Variants in LRRC27 observed in about 807,000 individuals in gnomAD.
LRRC27 encodes leucine-rich repeat-containing protein 27.
Under a neutral mutation model 55.0 loss-of-function variants are expected in LRRC27, and 57 were observed. The ratio of observed to expected loss-of-function variants is 1.04; its 90% confidence interval spans 0.84 to 1.29. The LOEUF is 1.29. LRRC27 is among the 50% of genes most tolerant of loss of function. The pLI is 0.00. For synonymous variants in LRRC27, 278 were observed against 251.9 expected, an observed-to-expected ratio of 1.10 and a Z score of -0.98; for missense variants, 721 against 651.5, an observed-to-expected ratio of 1.11 and a Z score of -1.16.
At chr10:132,355,339 G>A (rs2068257575) in intron 7 of LRRC27, among the ~76,000 whole-genome samples, 1 of 152,190 alleles carries the variant, frequency 6.6e-6, no homozygotes, top group South Asian at 2.1e-4. Flanking sequence ...CCAGATGCCT[G>A]TTTTTAAAAG....
intron 4 of LRRC27, among the ~76,000 whole-genome samples, chr10:132,342,473 C>T (rs1021094937): frequency 4.6e-5 from 7 of 152,168 alleles, no homozygotes; most frequent in Non-Finnish European, 7.3e-5. Flanking sequence ...GACGTGTGAG[C>T]CTTGTGTGAG....
intron 6 of LRRC27, chr10:132,350,748 G>A (rs2067966619): frequency 6.6e-6 from 1 of 152,436 alleles, no homozygotes; most frequent in Non-Finnish European, 1.5e-5. Context: ...TTCTCCTCTG[G>A]GCGAAGTGTT....
At chr10:132,362,064 G>A (rs1014708083) in intron 9 of LRRC27, among the ~76,000 whole-genome samples, 2 of 152,232 alleles carry the variant, frequency 1.3e-5, no homozygotes, top group African/African-American at 4.8e-5. Flanking sequence ...GTGAGGCAGC[G>A]AGGCCAGGCG....
At chr10:132,354,527 G>C (rs958790167) in intron 7 of LRRC27, among the ~76,000 whole-genome samples, 4 of 152,212 alleles carry the variant, frequency 2.6e-5, no homozygotes, top group Admixed American at 1.3e-4. Context: ...GACACACCCA[G>C]GCAGGCGTCA....
intron 10 of LRRC27, among the ~76,000 whole-genome samples, chr10:132,371,425 G>T (rs768982288): frequency 2.2e-4 from 33 of 152,330 alleles, no homozygotes; most frequent in African/African-American, 5.8e-4. Context: ...GCCAACAGAC[G>T]TGGCCCTTCC....
At chr10:132,347,594 G>T (rs954057305) in intron 5 of LRRC27, among the ~76,000 whole-genome samples, 1 of 149,772 alleles carries the variant, frequency 6.7e-6, no homozygotes, top group Non-Finnish European at 1.5e-5. Context: ...TGCGTGGGAG[G>T]GTCAGGTGCT....
rs1287652386 is a variant in LRRC27 at position 132,359,128 on chromosome 10, C to CAGT, written c.1171-2329_1171-2328insAGT. Among the ~76,000 whole-genome samples the CAGT allele has an allele frequency of 6.0e-5, 4 of 66,732 alleles. 1 individual carries two copies. Among genetic ancestry groups the CAGT allele is most frequent in the Admixed American group, 3.5e-4 (2 of 5,742 alleles). The allele number at this position is 66,732 out of a possible 152,430, so 43.8% of individuals were successfully genotyped here. ...GTGGGGAGGAGCCGAGGTGGTGGAG[C>CAGT]GTGGGAAGGAGCCGAGGTGGTGGAG... On this transcript the variant is annotated intron_variant, in intron 8 of 10. Coordinates refer to ENST00000368614, the MANE Select transcript of LRRC27 (RefSeq NM_030626.3).
At chr10:132,357,885 C>T (rs539313440) in intron 8 of LRRC27, among the ~76,000 whole-genome samples, 29 of 152,302 alleles carry the variant, frequency 1.9e-4, no homozygotes, top group East Asian at 3.9e-4. Flanking sequence ...GGCAGACCCT[C>T]GGCTGTGGCA....
intron 10 of LRRC27, chr10:132,366,762 G>A: frequency 1.9e-6 from 2 of 1,060,742 alleles, no homozygotes; most frequent in Non-Finnish European, 2.4e-6. Context: ...TGTCACGGGG[G>A]AGGAAGCAAC....
At chr10:132,365,818 C>G (rs559789309) in intron 10 of LRRC27, among the ~76,000 whole-genome samples, 1 of 152,172 alleles carries the variant, frequency 6.6e-6, no homozygotes, top group Non-Finnish European at 1.5e-5. Context: ...AGCCTTGTCT[C>G]GAACTCCTGG....
chr10:132,375,029 G>C (rs781546714), intron 10 of LRRC27, 37 bp from the exon 11 acceptor site: 4 of 1,584,852 alleles, frequency 2.5e-6, no homozygotes, highest in Non-Finnish European at 3.4e-6. Flanking sequence ...AGTCCTGCCA[G>C]CCTTTCTAAC....
chr10:132,346,222 C>A lies in LRRC27; in HGVS notation c.553+1572C>A, dbSNP rs9787717. Among the ~76,000 whole-genome samples the A allele has an allele frequency of 1.5e-4, 23 of 152,222 alleles. No individual in the cohort carries two copies. In the East Asian group the frequency reaches 4.2e-3, roughly 28 times the overall value. On this transcript the variant is annotated intron_variant, in intron 5 of 10. Transcript: ENST00000368614. ...GGTGCGGGGTCCATCAACTTCTCAG[C>A]GGTGTTATTGCAACTTTTCTGTAAG...
Position 132,374,318 on chromosome 10 carries a change from C to T in LRRC27, c.1417-748C>T, listed in dbSNP as rs1380785948. Among the ~76,000 whole-genome samples the T allele has an allele frequency of 3.3e-5, 5 of 152,078 alleles. No homozygotes were observed. The highest frequency in any genetic ancestry group is 2.1e-4 in the South Asian group (1 of 4,828). On this transcript the variant is annotated intron_variant, in intron 10 of 10. Coordinates refer to ENST00000368614, the MANE Select transcript of LRRC27 (RefSeq NM_030626.3). The surrounding 1 kb of genome is among the most constrained non-coding windows in gnomAD (Gnocchi z 4.4). ...AACCTGTGCCCCCAGCAAGGCAAGC[C>T]GGGGAGGGAGACGGGAGCCGGGTGG...
At chr10:132,332,795 G>A (rs1239427920) in intron 1 of LRRC27, among the ~76,000 whole-genome samples, 2 of 151,986 alleles carry the variant, frequency 1.3e-5, no homozygotes, top group African/African-American at 4.8e-5. Flanking sequence ...GCCAATCATT[G>A]GGCTGTTGAG....
In LRRC27 at chr10:132,348,010, C is replaced by G; in HGVS notation, c.580C>G (p.Leu194Val). ...QEAPPVREMT[L>V]RDLPSPGLEL... Reference sequence around the variant, plus strand: ...GGCTCCACCGGTTAGAGAGATGACCCTCCGTGACCTCCCGAGCCCAGGACT... The same window carrying G: ...GGCTCCACCGGTTAGAGAGATGACCGTCCGTGACCTCCCGAGCCCAGGACT... Residue 194 changes from leucine to valine, a missense_variant, in exon 6 of 11, where the codon CTC (leucine) becomes GTC (valine). Physicochemically the swap from Leu to Val is conservative, Grantham distance 32. Transcript: ENST00000368614. The surrounding 1 kb of genome is among the most constrained non-coding windows in gnomAD (Gnocchi z 4.2). The G allele has an allele frequency of 6.8e-6, 11 of 1,610,978 alleles. No homozygotes were observed. Among genetic ancestry groups the G allele is most frequent in the Non-Finnish European group, 7.6e-6 (9 of 1,179,048 alleles).
intron 9 of LRRC27, among the ~76,000 whole-genome samples, chr10:132,364,445 A>ACGCCCACACTCACACCCACCCACACTCC (rs1564853403): frequency 8.5e-6 from 1 of 118,198 alleles, no homozygotes; most frequent in African/African-American, 3.6e-5. Context: ...ATCTACCTCC[A>ACGCCCACACTCACACCCACCCACACTCC]CACCCACACT....
At chr10:132,368,403 G>C (rs1026354924) in intron 10 of LRRC27, among the ~76,000 whole-genome samples, 1 of 152,144 alleles carries the variant, frequency 6.6e-6, no homozygotes, top group Non-Finnish European at 1.5e-5. Flanking sequence ...AAAGTCAGAG[G>C]ACTGACACCC....
intron 7 of LRRC27, among the ~76,000 whole-genome samples, chr10:132,355,374 G>A (rs948952126): frequency 6.6e-6 from 1 of 152,192 alleles, no homozygotes; most frequent in South Asian, 2.1e-4. Flanking sequence ...CTGAAGGGAG[G>A]GACTTAGAGA....
Position 132,368,474 on chromosome 10 carries a change from T to G in LRRC27, c.1416+2924T>G, listed in dbSNP as rs555037784. On this transcript the variant is annotated intron_variant, in intron 10 of 10. Transcript: ENST00000368614. Reference sequence around the variant, plus strand: ...TGATATTGTCAAAAGAATAGACAAATAGAATAGAGAGCCCCAAAATAGACC... The same window carrying G: ...TGATATTGTCAAAAGAATAGACAAAGAGAATAGAGAGCCCCAAAATAGACC... Among the ~76,000 whole-genome samples, 8 of 152,056 alleles carry G rather than the reference T, an allele frequency of 5.3e-5. No individual in the cohort carries two copies. In the South Asian group the frequency reaches 1.7e-3, roughly 32 times the overall value.
Sources: gnomAD v4.1 joint callset for allele counts (sites outside exome capture counted in the v4.1 genomes callset) on GRCh38, gnomAD v4.1.1 for gene constraint, Gnocchi (gnomAD v3.1) non-coding constraint, MANE v1.5 for transcripts, NCBI Gene and HGNC (gene_info 2026-07-23, HGNC 2026-07-21) for gene names.